CSRP3: variants seen among roughly 807,000 people sequenced by gnomAD.
The protein encoded by CSRP3 is cysteine and glycine-rich protein 3.
In CSRP3, 24 loss-of-function variants were observed where a neutral mutation model predicts 24.3. The ratio of observed to expected loss-of-function variants is 0.99; its 90% CI spans 0.71 to 1.39. The LOEUF is 1.39. Among genes scored for constraint, CSRP3 ranks in the 40% most tolerant of loss-of-function variants. CSRP3 has a pLI of 0.00. For synonymous variants in CSRP3, 105 were observed against 94.0 expected (o/e 1.12, Z -0.68); for missense variants, 240 against 249.0 (o/e 0.96, Z 0.24).
In CSRP3 at chr11:19,192,059, A is replaced by G. The variant is rs7933466; in HGVS notation, c.112+278T>C. 0.43 allele frequency among the ~76,000 whole-genome samples: 65,502 copies of G among 151,980 alleles called. 15,424 individuals are homozygous for G. Among genetic ancestry groups the G allele is most frequent in the African/African-American group, 0.64 (26,419 of 41,454 alleles). ...CATGGGGTCAAAGTTTTCCCTACAG[A>G]GAGCAGTGACAGGCTAGCTTGTTCT... On this transcript the variant is annotated intron_variant, in intron 2 of 5. Transcript: ENST00000265968.
rs777327517 is a variant in CSRP3, at chr11:19,188,166, G to C, written c.251C>G (p.Thr84Arg). Residue 84 changes from threonine to arginine, a missense_variant, in exon 3 of 6, where the codon ACG (threonine) becomes AGG (arginine). Transcript: ENST00000265968. ...GQGAGCLSTD[T>R]GEHLGLQFQQ... ...GAACTGCAGGCCGAGATGCTCGCCC[G>C]TGTCTGTGCTGAGACAGCCAGCGCC... 4.3e-6 allele frequency: 7 copies of C among 1,614,132 alleles called. No individual in the cohort carries two copies. Among genetic ancestry groups the C allele is most frequent in the South Asian group, 2.2e-5 (2 of 91,076 alleles).
chr11:19,190,155 G>GT (rs1157742598), intron 2 of CSRP3, among the ~76,000 whole-genome samples: 1 of 152,230 alleles, frequency 6.6e-6, no homozygotes, highest in African/African-American at 2.4e-5. Flanking sequence ...TTATACAATA[G>GT]TAAGTTGCAG....
Position 19,182,588 on chromosome 11 carries a change from T to G in CSRP3, c.*82A>C. 8.8e-7 allele frequency: 1 copy of G among 1,132,582 alleles called. No homozygotes were observed. Among genetic ancestry groups the G allele is most frequent in the Non-Finnish European group, 1.4e-6 (1 of 740,462 alleles). The allele number at this position is 1,132,582 out of a possible 1,614,324, so 70.2% of individuals were successfully genotyped here. A position where few individuals can be genotyped will look rare whatever the true frequency, so the allele number is the denominator to read the frequency against. ...ATGTACGACTACAAAGGAGAGGCTA[T>G]TTGGGGAAAGGTATCGATCTGTGCA... On this transcript the variant is annotated 3_prime_UTR_variant, in exon 6 of 6. Transcript: ENST00000265968.
Position 19,186,419 on chromosome 11 carries a change from G to C in CSRP3, c.282-71C>G, listed in dbSNP as rs979517979. Reference sequence around the variant, plus strand: ...AAGAGTAGAAGAGCTGTGTGGCCTTGAGAAAGTGACCTCACTTCCGTGTGT... The same window carrying C: ...AAGAGTAGAAGAGCTGTGTGGCCTTCAGAAAGTGACCTCACTTCCGTGTGT... On this transcript the variant is annotated intron_variant, in intron 3 of 5. Transcript: ENST00000265968. The C allele has an allele frequency of 5.0e-6, 8 of 1,590,430 alleles. No individual in the cohort carries two copies. The African/African-American group carries it at 1.1e-4, about 21-fold the overall frequency.
intron 1 of CSRP3, among the ~76,000 whole-genome samples, chr11:19,195,168 T>A (rs191346335): frequency 1.3e-3 from 201 of 151,772 alleles, no homozygotes; most frequent in Non-Finnish European, 2.2e-3. Context: ...TGGGAAGGAA[T>A]AATGCTAATG....
chr11:19,197,504 T>C (rs1272479451), intron 1 of CSRP3, among the ~76,000 whole-genome samples: 1 of 58,020 alleles, frequency 1.7e-5, no homozygotes, highest in Admixed American at 1.7e-4. Flanking sequence ...TCTTTTCCTC[T>C]TTCTTTCTTT....
intron 1 of CSRP3, among the ~76,000 whole-genome samples, chr11:19,197,376 C>CCTTCCTT (rs1850739579): frequency 2.6e-4 from 1 of 3,814 alleles, no homozygotes; most frequent in African/African-American, 1.0e-3. Flanking sequence ...CTCCCTCCCT[C>CCTTCCTT]CCTCCCTCCC....
intron 1 of CSRP3, among the ~76,000 whole-genome samples, chr11:19,194,911 T>C (rs1316186234): frequency 6.6e-6 from 1 of 152,104 alleles, no homozygotes; most frequent in Non-Finnish European, 1.5e-5. Flanking sequence ...GGAAAACTTA[T>C]AAAAATGAGT....
intron 5 of CSRP3, among the ~76,000 whole-genome samples, chr11:19,183,966 T>C (rs1850481988): frequency 6.6e-6 from 1 of 152,206 alleles, no homozygotes; most frequent in South Asian, 2.1e-4. Flanking sequence ...TCTTGCTTGC[T>C]GCTATGTAAG....
intron 1 of CSRP3, among the ~76,000 whole-genome samples, chr11:19,195,981 A>G (rs1850695459): frequency 6.6e-6 from 1 of 152,216 alleles, no homozygotes. Context: ...AAGCATCCTG[A>G]ATCCAGGCCA....
chr11:19,188,301 G>C lies in CSRP3; in HGVS notation c.116C>G (p.Ala39Gly), dbSNP rs748417030. Residue 39 changes from alanine to glycine, a missense_variant, in exon 3 of 6, where the codon GCC becomes GGC. Ala to Gly is a moderately conservative substitution (Grantham distance 60). Coordinates refer to ENST00000265968, the MANE Select transcript of CSRP3 (RefSeq NM_003476.5). ...CGTGCTGTCAAGAGCCTTCCTGCAGGCCACTGCCAGGAAAAGGAAGGGTCA... is the reference window on the plus strand; with the variant it reads ...CGTGCTGTCAAGAGCCTTCCTGCAGCCCACTGCCAGGAAAAGGAAGGGTCA... ...SFHKTCFHCMACRKALDSTTV... is the reference protein window; with the variant it reads ...SFHKTCFHCMGCRKALDSTTV... 18 of 1,612,128 alleles carry C rather than the reference G, an allele frequency of 1.1e-5. No homozygotes were observed. The South Asian group carries it at 1.9e-4, about 17-fold the overall frequency.
At position 19,182,737 on chromosome 11, in the gene CSRP3, G is replaced by T; in HGVS notation, c.518C>A (p.Ala173Asp). The change falls in exon 6 of 6, where the codon GCC becomes GAC. Residue 173 changes from alanine to aspartate, a missense_variant. Physicochemically the swap from Ala to Asp is moderately radical, Grantham distance 126. Coordinates refer to ENST00000265968, the MANE Select transcript of CSRP3 (RefSeq NM_003476.5). ...AATACCCGTGGGGCCAAAATTTTTG[G>T]CATAGCAAACTGTGAATGAGAAGAG... is the stretch of plus-strand genomic sequence containing the variant. ...DGELYCKVCY[A>D]KNFGPTGIGF... 1 of 1,613,624 alleles carries T rather than the reference G, an allele frequency of 6.2e-7. No homozygotes were observed. The highest frequency in any genetic ancestry group is 8.5e-7 in the Non-Finnish European group (1 of 1,179,536).
chr11:19,192,162 C>G (rs1427605757), intron 2 of CSRP3, among the ~76,000 whole-genome samples, 175 bp downstream of exon 2: 2 of 152,192 alleles, frequency 1.3e-5, no homozygotes, highest in Admixed American at 6.5e-5. Context: ...AGAGCACCAT[C>G]TTTTCTTGGT....
At chr11:19,189,500 G>T (rs1034535602) in intron 2 of CSRP3, among the ~76,000 whole-genome samples, 3 of 152,108 alleles carry the variant, frequency 2.0e-5, no homozygotes, top group Non-Finnish European at 2.9e-5. Flanking sequence ...AAATGTATTT[G>T]CCTTTTAAAA....
intron 1 of CSRP3, among the ~76,000 whole-genome samples, chr11:19,197,383 TCCC>T (rs1850741120): frequency 6.1e-4 from 2 of 3,282 alleles, no homozygotes; most frequent in African/African-American, 2.9e-3. Flanking sequence ...CCTCCCTCCC[TCCC>T]TCCCTTCCTT....
intron 1 of CSRP3, among the ~76,000 whole-genome samples, chr11:19,193,630 A>G (rs1850650336): frequency 6.6e-6 from 1 of 152,200 alleles, no homozygotes; most frequent in Admixed American, 6.5e-5. Context: ...AAGTGCTGGA[A>G]TTACAGGCTT....
At chr11:19,182,808 G>A (rs1850459275) in intron 5 of CSRP3, 62 bp from the exon 6 acceptor site, 1 of 1,147,794 alleles carries the variant, frequency 8.7e-7, no homozygotes, top group Admixed American at 1.7e-5. Context: ...TTTTTTCAGG[G>A]CTTTCTGTCT....
chr11:19,191,444 T>G (rs1426207842), intron 2 of CSRP3, among the ~76,000 whole-genome samples: 1 of 152,120 alleles, frequency 6.6e-6, no homozygotes, highest in Admixed American at 6.5e-5. Context: ...AGCTAGCCCT[T>G]AAGCCAGACC....
intron 5 of CSRP3, among the ~76,000 whole-genome samples, chr11:19,183,160 G>GAAGAAA (rs1850465783): frequency 2.7e-5 from 1 of 37,460 alleles, no homozygotes; most frequent in African/African-American, 1.1e-4. Context: ...TCCGTCTCAA[G>GAAGAAA]AATAAAAATA....
Sources: gnomAD v4.1 joint callset for allele counts (sites outside exome capture counted in the v4.1 genomes callset) on GRCh38, gnomAD v4.1.1 for gene constraint, MANE v1.5 for transcripts, NCBI Gene and HGNC (gene_info 2026-07-23, HGNC 2026-07-21) for gene names.